The following N4BP2 variants were observed in gnomAD, a reference collection of about 807,000 sequenced individuals.
The protein encoded by N4BP2 is NEDD4-binding protein 2.
Under a neutral mutation model 152.8 loss-of-function variants are expected in N4BP2, and 91 were observed. The ratio of observed to expected loss-of-function variants is 0.60; its 90% confidence interval spans 0.50 to 0.71. The LOEUF (loss-of-function observed/expected upper bound fraction) is 0.71, where lower values mean the gene tolerates loss of function less well. Among genes scored for constraint, N4BP2 ranks in the 30% least tolerant of loss-of-function variants. The pLI is 0.00. For synonymous variants in N4BP2, 646 were observed against 705.3 expected (o/e 0.92, Z 1.33); for missense variants, 1,923 against 2,059.1 (o/e 0.93, Z 1.28).
intron 5 of N4BP2, among the ~76,000 whole-genome samples, chr4:40,110,625 C>A (rs1716780140): frequency 6.6e-6 from 1 of 152,180 alleles, no homozygotes; most frequent in Non-Finnish European, 1.5e-5. Flanking sequence ...GCAACCTCCG[C>A]CTCCTGGGTT....
At chr4:40,166,587 G>A in the N4BP2 span, 9 of 152,198 alleles carry the variant, frequency 5.9e-5, no homozygotes, top group African/African-American at 1.9e-4. Flanking sequence ...TACTTGGGAG[G>A]TTGAGGCAGG....
At chr4:40,112,252 A>C in intron 6 of N4BP2, 80 bp downstream of exon 6, 2 of 836,216 alleles carry the variant, frequency 2.4e-6, no homozygotes, top group South Asian at 1.6e-5. Flanking sequence ...AGTGAATCTG[A>C]AGCACTTAAG....
chr4:40,057,173 G>A (rs2109876005), intron 1 of N4BP2, 143 bp downstream of exon 1: 1 of 152,396 alleles, frequency 6.6e-6, no homozygotes, highest in East Asian at 1.9e-4. Flanking sequence ...CCTGAATGTG[G>A]GGCCCGGCGC....
intron 1 of N4BP2, among the ~76,000 whole-genome samples, chr4:40,066,951 C>T (rs1002609250): frequency 1.3e-5 from 2 of 151,940 alleles, no homozygotes; most frequent in African/African-American, 4.8e-5. Context: ...TAGAAACATG[C>T]AGCTTTTTGT....
the N4BP2 span, among the ~76,000 whole-genome samples, chr4:40,175,819 A>G: frequency 6.7e-6 from 1 of 149,986 alleles, no homozygotes; most frequent in Non-Finnish European, 1.5e-5. Flanking sequence ...AAAAAAAAAA[A>G]AAAAAAAAGG....
intron 11 of N4BP2, among the ~76,000 whole-genome samples, chr4:40,125,698 C>T (rs890419407): frequency 2.0e-5 from 3 of 152,102 alleles, no homozygotes; most frequent in Non-Finnish European, 4.4e-5. Flanking sequence ...CCAGCCTGGC[C>T]AACATGGTGA....
chr4:40,133,647 C>T (rs1262437771), intron 13 of N4BP2, among the ~76,000 whole-genome samples: 1 of 152,090 alleles, frequency 6.6e-6, no homozygotes, highest in Admixed American at 6.5e-5. Flanking sequence ...ATTTTTAAGG[C>T]ATATAAAAAC....
chr4:40,063,218 G>A (rs539329194), intron 1 of N4BP2, among the ~76,000 whole-genome samples: 2 of 152,302 alleles, frequency 1.3e-5, no homozygotes, highest in East Asian at 3.9e-4. Flanking sequence ...ACAGCTTGAA[G>A]TAGCCTGTAG....
At chr4:40,086,131 A>T (rs1447550616) in intron 2 of N4BP2, among the ~76,000 whole-genome samples, 1 of 130,236 alleles carries the variant, frequency 7.7e-6, no homozygotes, top group Non-Finnish European at 1.6e-5. Context: ...TGCCCGGCTA[A>T]TTTTTTTTTT....
chr4:40,113,566 G>C, intron 7 of N4BP2, 58 bp downstream of exon 7: 1 of 1,211,828 alleles, frequency 8.3e-7, no homozygotes, highest in Non-Finnish European at 1.2e-6. Flanking sequence ...GACAAGGTCC[G>C]TTTAGATTTT....
At chr4:40,149,266 C>A (rs986899710) in intron 16 of N4BP2, among the ~76,000 whole-genome samples, 1 of 152,096 alleles carries the variant, frequency 6.6e-6, no homozygotes, top group Non-Finnish European at 1.5e-5. Flanking sequence ...TTTAATTTAG[C>A]CATGTAGAGA....
chr4:40,183,921 C>T, the N4BP2 span, among the ~76,000 whole-genome samples: 2 of 152,186 alleles, frequency 1.3e-5, no homozygotes, highest in Non-Finnish European at 2.9e-5. Flanking sequence ...GTAAGGAAGA[C>T]GGGTGCTCCT....
At chr4:40,174,106 C>T in the N4BP2 span, among the ~76,000 whole-genome samples, 4 of 152,152 alleles carry the variant, frequency 2.6e-5, no homozygotes, top group Admixed American at 2.6e-4. Flanking sequence ...AGGCTGGGTA[C>T]AGTGGCTCAT....
chr4:40,174,531 G>A, the N4BP2 span, among the ~76,000 whole-genome samples: 3 of 151,932 alleles, frequency 2.0e-5, no homozygotes, highest in African/African-American at 7.2e-5. Context: ...GGCCAGGTGC[G>A]GTGGCTCACG....
At chr4:40,072,726 G>A (rs1712330557) in intron 1 of N4BP2, among the ~76,000 whole-genome samples, 2 of 151,088 alleles carry the variant, frequency 1.3e-5, no homozygotes, top group South Asian at 2.1e-4. Context: ...TATTTTTGTG[G>A]GACTTTTTTT....
At chr4:40,072,729 CT>C (rs748731332) in intron 1 of N4BP2, among the ~76,000 whole-genome samples, 1,406 of 139,484 alleles carry the variant, frequency 0.01, 10 homozygotes, top group African/African-American at 0.027. Context: ...TTTTGTGGGA[CT>C]TTTTTTTTTT....
At position 40,117,856 on chromosome 4, in the gene N4BP2, C is replaced by G; in HGVS notation, c.1665-13C>G. On this transcript the variant is annotated splice_polypyrimidine_tract_variant and intron_variant, in intron 7 of 17. Transcript: ENST00000261435. ...AATATTCCTTCAACCCTTTTTTCCC[C>G]TGGAATTTTCAGGCGTAACATTCAT... 1 of 1,577,350 alleles carries G rather than the reference C, an allele frequency of 6.3e-7. No homozygotes were observed. Among genetic ancestry groups the G allele is most frequent in the Middle Eastern group, 1.7e-4 (1 of 5,828 alleles).
the N4BP2 span, among the ~76,000 whole-genome samples, chr4:40,165,777 C>T: frequency 1.3e-5 from 2 of 152,208 alleles, no homozygotes; most frequent in South Asian, 2.1e-4. Context: ...AGTCAGTATT[C>T]CTCAAAGAAC....
chr4:40,190,350 C>T, the N4BP2 span, among the ~76,000 whole-genome samples: 1 of 152,190 alleles, frequency 6.6e-6, no homozygotes, highest in African/African-American at 2.4e-5. Context: ...CTTCAGGAGG[C>T]ACCTCTGAAG....
Sources: gnomAD v4.1 joint callset for allele counts (sites outside exome capture counted in the v4.1 genomes callset) on GRCh38, gnomAD v4.1.1 for gene constraint, MANE v1.5 for transcripts, NCBI Gene and HGNC (gene_info 2026-07-23, HGNC 2026-07-21) for gene names.